Variants in CCDC141 observed in about 807,000 individuals in gnomAD.
CCDC141 encodes the protein coiled-coil domain-containing protein 141.
Under a neutral mutation model 181.0 loss-of-function variants are expected in CCDC141, and 168 were observed. The observed-to-expected ratio is 0.93, with a 90% CI of 0.82 to 1.05. CCDC141 has a LOEUF of 1.05. Among genes scored for constraint, CCDC141 ranks in the 50% least tolerant of loss-of-function variants. The probability of loss-of-function intolerance (pLI) is 0.00; values close to 1 mark genes in which losing one functional copy is unlikely to be tolerated. For synonymous variants in CCDC141, 666 were observed against 642.3 expected (o/e 1.04, Z -0.56); for missense variants, 1,902 against 1,788.5 (o/e 1.06, Z -1.14).
Position 179,015,802 on chromosome 2 carries a change from T to G in CCDC141, c.225+31482A>C, listed in dbSNP as rs551268805. Among the ~76,000 whole-genome samples the G allele has an allele frequency of 2.7e-3, 379 of 142,222 alleles. 4 individuals are homozygous for G. Among genetic ancestry groups the G allele is most frequent in the African/African-American group, 9.3e-3 (368 of 39,480 alleles). The allele number at this position is 142,222 out of a possible 152,430, so 93.3% of individuals were successfully genotyped here. A position where few individuals can be genotyped will look rare whatever the true frequency, so the allele number is the denominator to read the frequency against. On this transcript the variant is annotated intron_variant, in intron 2 of 23. Transcript: ENST00000443758. ...ATATATGTATCATATATATCTCATA[T>G]ATGTATCATATATATCTCATATATG...
At chr2:178,883,618 G>GA (rs1207522405) in intron 11 of CCDC141, among the ~76,000 whole-genome samples, 1 of 152,002 alleles carries the variant, frequency 6.6e-6, no homozygotes, top group Admixed American at 6.6e-5. Context: ...TGAGAAGATG[G>GA]AAAAAATCAA....
intron 3 of CCDC141, among the ~76,000 whole-genome samples, chr2:178,977,936 AC>A (rs1290203482): frequency 2.6e-5 from 4 of 152,208 alleles, no homozygotes; most frequent in Admixed American, 2.6e-4. Flanking sequence ...GTCTAGGAGG[AC>A]TTTTTCCTTC....
intron 5 of CCDC141, among the ~76,000 whole-genome samples, chr2:178,956,522 C>T (rs1690168932): frequency 1.3e-5 from 2 of 152,148 alleles, no homozygotes; most frequent in South Asian, 2.1e-4. Context: ...AAGCTGGTCT[C>T]GAATTCCTGG....
chr2:178,872,088 GT>G (rs1686142213), intron 13 of CCDC141, 44 bp downstream of exon 13: 1 of 1,581,512 alleles, frequency 6.3e-7, no homozygotes, highest in Non-Finnish European at 8.6e-7. Flanking sequence ...GTTAGCCTGT[GT>G]CGGAATTTCA....
At chr2:179,017,898 C>G (rs2042588193) in intron 2 of CCDC141, among the ~76,000 whole-genome samples, 1 of 152,196 alleles carries the variant, frequency 6.6e-6, no homozygotes, top group African/African-American at 2.4e-5. Flanking sequence ...AAGACTCAGT[C>G]AAGCCCAGCT....
chr2:179,002,408 G>T, intron 2 of CCDC141: 1 of 322,926 alleles, frequency 3.1e-6, no homozygotes, highest in Non-Finnish European at 6.0e-6. Context: ...AGGGAGAGAA[G>T]GATGTTCCTG....
In CCDC141 at chr2:178,918,812, G is replaced by A; in HGVS notation, c.993C>T (p.His331=). The A allele has an allele frequency of 2.6e-6, 4 of 1,550,598 alleles. No homozygotes were observed. Among genetic ancestry groups the A allele is most frequent in the Non-Finnish European group, 3.5e-6 (4 of 1,146,974 alleles). The change falls in exon 7 of 24, where the codon CAC becomes CAT. Residue 331 remains histidine (H), a synonymous_variant. Transcript: ENST00000443758. ...YVEKEHLQLS[H]QKLSQLQEEF... ...CTTCTTGAAGCTGACTGAGTTTCTGGTGAGAGAGCTGGAGGTGTTCTTTCT... is the reference window on the plus strand; with the variant it reads ...CTTCTTGAAGCTGACTGAGTTTCTGATGAGAGAGCTGGAGGTGTTCTTTCT...
rs771580192 is a variant in CCDC141, at chr2:178,837,532, T to G, written c.3687A>C (p.Pro1229=). 2 of 1,613,878 alleles carry G rather than the reference T, an allele frequency of 1.2e-6. No individual in the cohort carries two copies. The highest frequency in any genetic ancestry group is 2.2e-5 in the East Asian group (1 of 44,828). Residue 1229 remains proline (P), a synonymous_variant, in exon 23 of 24, where the codon CCA becomes CCC. Transcript: ENST00000443758. ...LPGSPESPLA[P]SDMEVEEPVS... is the part of the protein sequence containing the mutation. Reference sequence around the variant, plus strand: ...CAGGCTCTTCCACCTCCATGTCAGATGGTGCAAGAGGGGACTCAGGGCTTC... The same window carrying G: ...CAGGCTCTTCCACCTCCATGTCAGAGGGTGCAAGAGGGGACTCAGGGCTTC...
chr2:178,818,100 G>A, the CCDC141 span, among the ~76,000 whole-genome samples: 1 of 152,158 alleles, frequency 6.6e-6, no homozygotes, highest in East Asian at 1.9e-4. Context: ...ACCGCACCTG[G>A]CCCACATATG....
intron 2 of CCDC141, among the ~76,000 whole-genome samples, chr2:179,028,388 T>C (rs1173014050): frequency 2.6e-5 from 4 of 152,218 alleles, no homozygotes; most frequent in Non-Finnish European, 5.9e-5. Context: ...AGTCAGCATC[T>C]TCCATTTGCT....
At chr2:178,911,049 T>C (rs1309616514) in intron 7 of CCDC141, among the ~76,000 whole-genome samples, 4 of 152,230 alleles carry the variant, frequency 2.6e-5, no homozygotes, top group Non-Finnish European at 4.4e-5. Flanking sequence ...TGTTTTCTTT[T>C]CTCTAAGTTG....
intron 7 of CCDC141, among the ~76,000 whole-genome samples, chr2:178,906,406 T>G (rs1429053116): frequency 1.3e-5 from 2 of 152,240 alleles, no homozygotes; most frequent in Non-Finnish European, 2.9e-5. Context: ...CGCAGTCATC[T>G]TTGTAGGTCT....
intron 8 of CCDC141, among the ~76,000 whole-genome samples, chr2:178,894,422 C>T (rs896476152): frequency 1.3e-5 from 2 of 151,932 alleles, no homozygotes; most frequent in Non-Finnish European, 2.9e-5. Flanking sequence ...TGTTCAACAA[C>T]CAAGAGATAA....
At chr2:179,004,890 CCTGA>C (rs1281979844) in intron 2 of CCDC141, among the ~76,000 whole-genome samples, 2 of 152,232 alleles carry the variant, frequency 1.3e-5, no homozygotes, top group South Asian at 2.1e-4. Context: ...CGCCAGTGTG[CCTGA>C]CTAATTTTTG....
intron 11 of CCDC141, among the ~76,000 whole-genome samples, chr2:178,881,069 T>C (rs1309997706): frequency 6.6e-6 from 1 of 152,124 alleles, no homozygotes; most frequent in Non-Finnish European, 1.5e-5. Flanking sequence ...GGGTACAATG[T>C]GCAAAAGAGA....
chr2:178,838,186 C>T (rs554869038), intron 22 of CCDC141, among the ~76,000 whole-genome samples: 42 of 152,212 alleles, frequency 2.8e-4, no homozygotes, highest in African/African-American at 8.7e-4. Context: ...TGGACTCTCC[C>T]GGAATAACCT....
chr2:178,984,897 G>C (rs1404230390), intron 2 of CCDC141, among the ~76,000 whole-genome samples: 1 of 150,888 alleles, frequency 6.6e-6, no homozygotes, highest in Non-Finnish European at 1.5e-5. Context: ...GTCAACATTA[G>C]ACAGATCAAC....
chr2:179,041,283 G>A (rs2043293759), intron 2 of CCDC141, among the ~76,000 whole-genome samples: 1 of 151,852 alleles, frequency 6.6e-6, no homozygotes, highest in Admixed American at 6.6e-5. Context: ...ATAGAGACGG[G>A]GTTTCACCAT....
intron 2 of CCDC141, among the ~76,000 whole-genome samples, chr2:178,990,616 A>G (rs1283173425): frequency 6.8e-6 from 1 of 146,548 alleles, no homozygotes; most frequent in Non-Finnish European, 1.5e-5. Flanking sequence ...GAGGGAAGGG[A>G]AGGGAAGGGA....
Sources: allele counts gnomAD v4.1 joint callset (sites outside exome capture counted in the v4.1 genomes callset), GRCh38; gene constraint gnomAD v4.1.1; transcripts MANE v1.5; gene names NCBI Gene and HGNC (gene_info 2026-07-23, HGNC 2026-07-21).